Variants in ZNF845 observed in about 807,000 individuals in gnomAD.
The protein encoded by ZNF845 is zinc finger protein 845.
Under a neutral mutation model 76.1 loss-of-function variants are expected in ZNF845, and 59 were observed. The ratio of observed to expected loss-of-function variants is 0.78; its 90% CI spans 0.63 to 0.96. The LOEUF (loss-of-function observed/expected upper bound fraction) is 0.96, where lower values mean the gene tolerates loss of function less well. Among genes scored for constraint, ZNF845 ranks in the 40% least tolerant of loss-of-function variants. The pLI, the probability that ZNF845 is intolerant of heterozygous loss-of-function variation, is 0.00. For synonymous variants in ZNF845, 361 were observed against 386.9 expected, an observed-to-expected ratio of 0.93 and a Z score of 0.78; for missense variants, 1,045 against 1,172.8, an observed-to-expected ratio of 0.89 and a Z score of 1.59.
At chr19:53,349,966 C>T (rs867421010) in intron 3 of ZNF845, among the ~76,000 whole-genome samples, 1 of 152,096 alleles carries the variant, frequency 6.6e-6, no homozygotes, top group Non-Finnish European at 1.5e-5. Flanking sequence ...ACCCAGCAGG[C>T]GGAGGTTACA....
In ZNF845 at chr19:53,353,876, A is replaced by AG. The variant is rs2085364989; in HGVS notation, c.*288_*289insG. The AG allele has an allele frequency of 1.7e-6, 2 of 1,168,814 alleles. No individual in the cohort carries two copies. Among genetic ancestry groups the AG allele is most frequent in the Non-Finnish European group, 2.4e-6 (2 of 833,178 alleles). The allele number at this position is 1,168,814 out of a possible 1,614,324, so 72.4% of individuals were successfully genotyped here. ...TTATCACAAAGTCTTCAGTAACACTACAACCGTTTCAAATCATTGGAGAAT... is the reference window on the plus strand; with the variant it reads ...TTATCACAAAGTCTTCAGTAACACTAGCAACCGTTTCAAATCATTGGAGAAT... On this transcript the variant is annotated 3_prime_UTR_variant, in exon 4 of 4. Coordinates refer to ENST00000458035, the MANE Select transcript of ZNF845 (RefSeq NM_138374.3).
Position 53,353,575 on chromosome 19 carries a change from G to C in ZNF845, c.2900G>C (p.Gly967Ala). The C allele has an allele frequency of 6.3e-7, 1 of 1,591,934 alleles. No homozygotes were observed. The highest frequency in any genetic ancestry group is 8.6e-7 in the Non-Finnish European group (1 of 1,168,838). ...GCACGTCATCATAGAATTCATACTG[G>C]AAAGAAACATTAGAAATATGAAGAA... ...KLARHHRIHT[G>A]KKH The change falls in exon 4 of 4, where the codon GGA becomes GCA. Residue 967 changes from glycine (G) to alanine (A), a missense_variant. Transcript: ENST00000458035.
At position 53,351,908 on chromosome 19, in the gene ZNF845, T is replaced by C. The variant is rs879091406; in HGVS notation, c.1233T>C (p.Tyr411=). The C allele has an allele frequency of 9.1e-5, 144 of 1,573,814 alleles. No homozygotes were observed. In the Middle Eastern group the frequency reaches 1.5e-3, roughly 17 times the overall value. ...GACTTCATACTGGAGAGAAACCTTATAAGTGTAATGATTGTGGCAAGACCT... is the reference window on the plus strand; with the variant it reads ...GACTTCATACTGGAGAGAAACCTTACAAGTGTAATGATTGTGGCAAGACCT... ...HRRLHTGEKP[Y]KCNDCGKTFS... Residue 411 remains tyrosine (Y), a synonymous_variant, in exon 4 of 4, where the codon TAT becomes TAC. Coordinates refer to ENST00000458035, the MANE Select transcript of ZNF845 (RefSeq NM_138374.3).
Position 53,353,806 on chromosome 19 carries a change from C to T in ZNF845, c.*218C>T, listed in dbSNP as rs890775951. On this transcript the variant is annotated 3_prime_UTR_variant, in exon 4 of 4. Transcript: ENST00000458035. The stretch of plus-strand genomic sequence containing the variant: ...TTAGTGGGCAGTCAACACTTATTCA[C>T]CATCAGGCAATCCATGGTATAGGGA... The T allele has an allele frequency of 6.7e-6, 10 of 1,495,462 alleles. No individual in the cohort carries two copies. Among genetic ancestry groups the T allele is most frequent in the East Asian group, 4.6e-5 (2 of 43,952 alleles). 92.6% of individuals were successfully genotyped at this position (1,495,462 alleles called of 1,614,324 possible). A position where few individuals can be genotyped will look rare whatever the true frequency, so the allele number is the denominator to read the frequency against.
In ZNF845 at chr19:53,354,461, A is replaced by T. The variant is rs1053086405; in HGVS notation, c.*873A>T. 3 of 184,940 alleles carry T rather than the reference A, an allele frequency of 1.6e-5. No individual in the cohort carries two copies. Among genetic ancestry groups the T allele is most frequent in the African/African-American group, 2.4e-5 (1 of 41,810 alleles). 11.5% of individuals were successfully genotyped at this position (184,940 alleles called of 1,614,324 possible). A position where few individuals can be genotyped will look rare whatever the true frequency, so the allele number is the denominator to read the frequency against. On this transcript the variant is annotated 3_prime_UTR_variant, in exon 4 of 4. Coordinates refer to ENST00000458035, the MANE Select transcript of ZNF845 (RefSeq NM_138374.3). ...CAAGACCAATAGATCACTTGAGGTC[A>T]GGAGTTTGAGACCAGACTGGCCAAC...
chr19:53,345,736 G>T, intron 3 of ZNF845, 104 bp downstream of exon 3: 1 of 1,561,372 alleles, frequency 6.4e-7, no homozygotes. Flanking sequence ...AGGGTGGAGT[G>T]AAATGGTGTG....
At position 53,345,573 on chromosome 19, in the gene ZNF845, C is replaced by G; in HGVS notation, c.83C>G (p.Ala28Gly). 1.2e-6 allele frequency: 2 copies of G among 1,613,500 alleles called. No individual in the cohort carries two copies. Among genetic ancestry groups the G allele is most frequent in the Non-Finnish European group, 1.7e-6 (2 of 1,179,500 alleles). The change falls in exon 3 of 4, where the codon GCT becomes GGT. Residue 28 changes from alanine to glycine, a missense_variant. Physicochemically the swap from Ala to Gly is moderately conservative, Grantham distance 60. Coordinates refer to ENST00000458035, the MANE Select transcript of ZNF845 (RefSeq NM_138374.3). ...SQEEWKCLDP[A>G]QRTLYRDVML... Reference sequence around the variant, plus strand: ...GAAGAGTGGAAGTGCCTGGACCCTGCTCAGAGGACTCTATACAGGGACGTG... The same window carrying G: ...GAAGAGTGGAAGTGCCTGGACCCTGGTCAGAGGACTCTATACAGGGACGTG...
In ZNF845 at chr19:53,345,569, C is replaced by G; in HGVS notation, c.79C>G (p.Pro27Ala). 1 of 1,613,392 alleles carries G rather than the reference C, an allele frequency of 6.2e-7. No homozygotes were observed. Among genetic ancestry groups the G allele is most frequent in the Non-Finnish European group, 8.5e-7 (1 of 1,179,440 alleles). The change falls in exon 3 of 4, where the codon CCT (proline) becomes GCT (alanine). Residue 27 changes from proline (P) to alanine (A), a missense_variant. Transcript: ENST00000458035. ...TCAGGAAGAGTGGAAGTGCCTGGAC[C>G]CTGCTCAGAGGACTCTATACAGGGA... ...FSQEEWKCLD[P>A]AQRTLYRDVM...
intron 2 of ZNF845, 97 bp downstream of exon 2, chr19:53,341,419 C>T: frequency 1.9e-6 from 3 of 1,562,382 alleles, no homozygotes; most frequent in Non-Finnish European, 2.6e-6. Context: ...AGCATCCTGC[C>T]TGACAGGTTT....
Position 53,352,775 on chromosome 19 carries a change from C to T in ZNF845, c.2100C>T (p.Phe700=), listed in dbSNP as rs761858496. The T allele has an allele frequency of 3.3e-5, 53 of 1,613,830 alleles. No homozygotes were observed. Among genetic ancestry groups the T allele is most frequent in the East Asian group, 2.9e-4 (13 of 44,862 alleles). Residue 700 remains phenylalanine, a synonymous_variant, in exon 4 of 4, where the codon TTC becomes TTT. Transcript: ENST00000458035. The part of the protein sequence containing the change: ...PYKCNECGKT[F]GRNSALIIHK... ...AGTGTAATGAGTGTGGCAAGACCTT[C>T]GGTCGAAATTCAGCCCTTATAATTC...
chr19:53,334,014 A>G (rs1266342013), intron 1 of ZNF845, among the ~76,000 whole-genome samples: 1 of 152,114 alleles, frequency 6.6e-6, no homozygotes, highest in Non-Finnish European at 1.5e-5. Flanking sequence ...AGGGCAATGT[A>G]TACACTTCCC....
chr19:53,350,958 C>T lies in ZNF845; in HGVS notation c.283C>T (p.His95Tyr). The change falls in exon 4 of 4, where the codon CAT becomes TAT. Residue 95 changes from histidine (H) to tyrosine (Y), a missense_variant. Physicochemically the swap from His to Tyr is moderately conservative, Grantham distance 83. Coordinates refer to ENST00000458035, the MANE Select transcript of ZNF845 (RefSeq NM_138374.3). ...FCFQEMEKDIHDFEFQWKEDE... is the reference protein window; with the variant it reads ...FCFQEMEKDIYDFEFQWKEDE... ...CTTCCAGGAAATGGAGAAAGATATT[C>T]ATGATTTTGAGTTTCAGTGGAAAGA... 6.2e-7 allele frequency: 1 copy of T among 1,614,140 alleles called. No homozygotes were observed. Among genetic ancestry groups the T allele is most frequent in the Non-Finnish European group, 8.5e-7 (1 of 1,180,028 alleles).
intron 3 of ZNF845, among the ~76,000 whole-genome samples, chr19:53,350,497 G>A (rs2085325309): frequency 1.3e-5 from 2 of 152,130 alleles, no homozygotes; most frequent in East Asian, 1.9e-4. Flanking sequence ...CCTCATTGAT[G>A]TGACAGTGAT....
rs548367884 is a variant in ZNF845 at position 53,352,276 on chromosome 19, G to A, written c.1601G>A (p.Arg534Gln). 376 of 1,613,226 alleles carry A rather than the reference G, an allele frequency of 2.3e-4. No homozygotes were observed. Among genetic ancestry groups the A allele is most frequent in the Non-Finnish European group, 2.7e-4 (323 of 1,179,714 alleles). The change falls in exon 4 of 4, where the codon CGG becomes CAG. Residue 534 changes from arginine (R) to glutamine (Q), a missense_variant. Physicochemically the swap from Arg to Gln is conservative, Grantham distance 43 (BLOSUM62 1). Coordinates refer to ENST00000458035, the MANE Select transcript of ZNF845 (RefSeq NM_138374.3). The stretch of plus-strand genomic sequence containing the variant: ...AATGAATGTGGCAAGACCTTTAGTC[G>A]GAAGTCATCCCTTACACGCCATTGT... ...KCNECGKTFS[R>Q]KSSLTRHCRL...
rs759197500 is a variant in ZNF845 at position 53,352,465 on chromosome 19, A to G, written c.1790A>G (p.His597Arg). Residue 597 changes from histidine to arginine, a missense_variant, in exon 4 of 4, where the codon CAT (histidine) becomes CGT (arginine). By Grantham distance (29) the His-to-Arg change is conservative. Transcript: ENST00000458035. ...VFSNATTIAN[H>R]WRIHNEERSY... Reference sequence around the variant, plus strand: ...AGTAATGCTACAACCATTGCAAATCATTGGAGAATCCATAATGAAGAGAGA... The same window carrying G: ...AGTAATGCTACAACCATTGCAAATCGTTGGAGAATCCATAATGAAGAGAGA... 1.3e-5 allele frequency: 21 copies of G among 1,613,504 alleles called. No individual in the cohort carries two copies. Among genetic ancestry groups the G allele is most frequent in the Non-Finnish European group, 1.7e-5 (20 of 1,179,696 alleles).
At chr19:53,334,779 G>A (rs1256497608) in intron 1 of ZNF845, among the ~76,000 whole-genome samples, 4 of 151,684 alleles carry the variant, frequency 2.6e-5, no homozygotes, top group East Asian at 1.9e-4. Context: ...GCGTGATGGT[G>A]CACACCTGTA....
At chr19:53,340,226 A>G (rs932662485) in intron 1 of ZNF845, among the ~76,000 whole-genome samples, 1 of 152,010 alleles carries the variant, frequency 6.6e-6, no homozygotes, top group African/African-American at 2.4e-5. Context: ...TAATTTTTGT[A>G]TTTTTGGTAG....
At chr19:53,341,109 C>G (rs1041377901) in intron 1 of ZNF845, 126 bp from the exon 2 acceptor site, 2 of 916,882 alleles carry the variant, frequency 2.2e-6, no homozygotes, top group Non-Finnish European at 3.2e-6. Context: ...GTTTATCGTC[C>G]CTGGTACAGT....
Position 53,334,126 on chromosome 19 carries a change from G to A in ZNF845, c.-74+334G>A, listed in dbSNP as rs545122760. Among the ~76,000 whole-genome samples, 6 of 152,272 alleles carry A rather than the reference G, an allele frequency of 3.9e-5. No homozygotes were observed. The East Asian group carries it at 1.2e-3, about 29-fold the overall frequency. On this transcript the variant is annotated intron_variant, in intron 1 of 3. Transcript: ENST00000458035. ...GGATTCCCGCCCTTGGCGCCTCCCA[G>A]TCTTGTCTTAAGGCGCCGTCGCCCC...
Sources: allele counts gnomAD v4.1 joint callset (sites outside exome capture counted in the v4.1 genomes callset), GRCh38; gene constraint gnomAD v4.1.1; transcripts MANE v1.5; gene names NCBI Gene and HGNC (gene_info 2026-07-23, HGNC 2026-07-21).